Variants in C3orf49 observed in about 807,000 individuals in gnomAD.
The protein encoded by C3orf49 is chromosome 3 open reading frame 49.
Under a neutral mutation model 13.3 loss-of-function variants are expected in C3orf49, and 27 were observed. The observed-to-expected ratio is 2.02, with a 90% CI of 1.49 to 2.79. C3orf49 has a LOEUF of 2.79. Among genes scored for constraint, C3orf49 ranks in the 30% most tolerant of loss-of-function variants. C3orf49 has a pLI of 0.00. For missense variants in C3orf49, 242 were observed against 134.2 expected, an observed-to-expected ratio of 1.80 and a Z score of -3.97; for synonymous variants, 87 against 47.6, an observed-to-expected ratio of 1.83 and a Z score of -3.40.
At chr3:63,785,796 G>C in the C3orf49 span, among the ~76,000 whole-genome samples, 6 of 151,894 alleles carry the variant, frequency 4.0e-5, no homozygotes, top group Non-Finnish European at 8.8e-5. Flanking sequence ...GCCAAGTCTA[G>C]CATCAACCAG....
chr3:63,806,021 C>G, the C3orf49 span, among the ~76,000 whole-genome samples: 1 of 152,170 alleles, frequency 6.6e-6, no homozygotes, highest in African/African-American at 2.4e-5. Flanking sequence ...ATACTCACCT[C>G]TACAAGTGGA....
chr3:63,848,439 C>T lies in C3orf49; in HGVS notation c.*106C>T, dbSNP rs1437953346. On this transcript the variant is annotated 3_prime_UTR_variant, in exon 7 of 7. Coordinates refer to ENST00000295896, the MANE Select transcript of C3orf49 (RefSeq NM_001355236.2). ...TATGAGCTGGAAGTCCTTCCCACCCCCCACCTTCAAGCTGTCCTGCTTTTC... is the reference window on the plus strand; with the variant it reads ...TATGAGCTGGAAGTCCTTCCCACCCTCCACCTTCAAGCTGTCCTGCTTTTC... 3 of 152,154 alleles carry T rather than the reference C, an allele frequency of 2.0e-5. No individual in the cohort carries two copies. In the South Asian group the frequency reaches 6.2e-4, roughly 32 times the overall value. The allele number at this position is 152,154 out of a possible 1,614,324, so 9.4% of individuals were successfully genotyped here.
chr3:63,800,910 T>C, the C3orf49 span, among the ~76,000 whole-genome samples: 1 of 152,086 alleles, frequency 6.6e-6, no homozygotes, highest in African/African-American at 2.4e-5. Context: ...AGGCAGGATA[T>C]GTGGATAGCC....
chr3:63,789,384 T>C, the C3orf49 span, among the ~76,000 whole-genome samples: 1 of 152,210 alleles, frequency 6.6e-6, no homozygotes, highest in Non-Finnish European at 1.5e-5. Flanking sequence ...ATAGGAGAGA[T>C]ACACTTTTAA....
intron 1 of C3orf49, among the ~76,000 whole-genome samples, chr3:63,820,065 G>A (rs548022103): frequency 6.6e-6 from 1 of 152,150 alleles, no homozygotes; most frequent in African/African-American, 2.4e-5. Flanking sequence ...AACTGCCTTA[G>A]ACTTGCTATT....
At chr3:63,807,526 T>G in the C3orf49 span, among the ~76,000 whole-genome samples, 1 of 152,102 alleles carries the variant, frequency 6.6e-6, no homozygotes, top group Non-Finnish European at 1.5e-5. Flanking sequence ...GATGCTTTCA[T>G]GATTCAGGAT....
the C3orf49 span, among the ~76,000 whole-genome samples, chr3:63,798,742 A>C: frequency 6.6e-6 from 1 of 152,096 alleles, no homozygotes; most frequent in South Asian, 2.1e-4. Context: ...GTGTGTCTAA[A>C]TGTAAGTTTC....
chr3:63,783,525 TACACACAC>T, the C3orf49 span, among the ~76,000 whole-genome samples: 1,064 of 132,012 alleles, frequency 8.1e-3, 14 homozygotes, highest in African/African-American at 0.025. Context: ...TACTAAAAAT[TACACACAC>T]ACACACACAC....
chr3:63,790,034 A>G, the C3orf49 span, among the ~76,000 whole-genome samples: 1 of 151,876 alleles, frequency 6.6e-6, no homozygotes, highest in Admixed American at 6.6e-5. Context: ...CTTATGAACC[A>G]CTCTAATACA....
At chr3:63,804,311 C>T in the C3orf49 span, among the ~76,000 whole-genome samples, 2 of 152,152 alleles carry the variant, frequency 1.3e-5, no homozygotes, top group Non-Finnish European at 2.9e-5. Flanking sequence ...TTTTATCTAG[C>T]TGGGTATGAT....
chr3:63,796,910 G>T, the C3orf49 span, among the ~76,000 whole-genome samples: 1 of 151,802 alleles, frequency 6.6e-6, no homozygotes, highest in Non-Finnish European at 1.5e-5. Context: ...TTTTTTGCAG[G>T]ACAGGTGTCT....
the C3orf49 span, among the ~76,000 whole-genome samples, chr3:63,814,132 T>C: frequency 1.3e-5 from 2 of 152,026 alleles, no homozygotes. Flanking sequence ...TGCTTGTGAG[T>C]ATGTTTAACT....
chr3:63,826,855 A>C (rs1701469361), intron 2 of C3orf49: 1 of 152,208 alleles, frequency 6.6e-6, no homozygotes, highest in Admixed American at 6.5e-5. Context: ...AGGCTGAGGC[A>C]GGAGAATGGC....
Position 63,827,422 on chromosome 3 carries a change from G to A in C3orf49, c.446-179G>A, listed in dbSNP as rs565423302. 1.7e-4 allele frequency: 90 copies of A among 521,096 alleles called. No homozygotes were observed. The East Asian group carries it at 2.3e-3, about 13-fold the overall frequency. 32.3% of individuals were successfully genotyped at this position (521,096 alleles called of 1,614,324 possible). On this transcript the variant is annotated intron_variant, in intron 2 of 6. Coordinates refer to ENST00000295896, the MANE Select transcript of C3orf49 (RefSeq NM_001355236.2). ...CATGACCATAACAAAAGGCAAATGCGTGCAGGAGAAAGTGTAAGATTGGGA... is the reference window on the plus strand; with the variant it reads ...CATGACCATAACAAAAGGCAAATGCATGCAGGAGAAAGTGTAAGATTGGGA...
At chr3:63,816,581 A>AAAC (rs572357172), upstream of C3orf49, among the ~76,000 whole-genome samples, 739 of 151,094 alleles carry the variant, frequency 4.9e-3, 15 homozygotes, top group East Asian at 0.033. Context: ...GATGCTGTTT[A>AAAC]AACAACAACA....
the C3orf49 span, chr3:63,784,738 C>T: frequency 6.6e-6 from 1 of 152,118 alleles, no homozygotes. Context: ...TACCTGTAAT[C>T]TCCCAGCTAC....
upstream of C3orf49, among the ~76,000 whole-genome samples, chr3:63,816,769 C>CTTTTTTTTTT (rs543894356): frequency 3.7e-4 from 36 of 97,200 alleles, no homozygotes; most frequent in East Asian, 6.2e-4. Context: ...CTTTTCTTTT[C>CTTTTTTTTTT]TTTTTTTTTT....
the C3orf49 span, among the ~76,000 whole-genome samples, chr3:63,787,506 G>A: frequency 3.4e-5 from 5 of 148,972 alleles, no homozygotes; most frequent in African/African-American, 1.3e-4. Flanking sequence ...ACATCTTCAT[G>A]AGGTTTAATT....
chr3:63,780,315 T>C, the C3orf49 span, among the ~76,000 whole-genome samples: 1 of 152,208 alleles, frequency 6.6e-6, no homozygotes, highest in African/African-American at 2.4e-5. Context: ...ACAAAGGACA[T>C]GAACTCATCA....
Sources: gnomAD v4.1 joint callset for allele counts (sites outside exome capture counted in the v4.1 genomes callset) on GRCh38, gnomAD v4.1.1 for gene constraint, MANE v1.5 for transcripts, NCBI Gene and HGNC (gene_info 2026-07-23, HGNC 2026-07-21) for gene names.